The following LRRTM4 variants were observed in gnomAD, a reference collection of about 807,000 sequenced individuals.
The protein encoded by LRRTM4 is leucine rich repeat transmembrane neuronal 4.
LRRTM4 carries 25 observed loss-of-function variants against 47.6 expected under a neutral mutation model. The observed-to-expected ratio is 0.53, with a 90% confidence interval of 0.38 to 0.73. LRRTM4 has a LOEUF of 0.73. Among genes scored for constraint, LRRTM4 ranks in the 30% least tolerant of loss-of-function variants. The pLI is 0.00. For synonymous variants in LRRTM4, 311 were observed against 269.5 expected (o/e 1.15, Z -1.51); for missense variants, 638 against 713.4 (o/e 0.89, Z 1.20).
chr2:77,471,645 C>A (rs1179616516), intron 3 of LRRTM4, among the ~76,000 whole-genome samples: 1 of 152,038 alleles, frequency 6.6e-6, no homozygotes, highest in East Asian at 1.9e-4. Context: ...AATCATTTGC[C>A]CTTGATGTTC....
chr2:77,305,120 T>C (rs1010216539), intron 3 of LRRTM4, among the ~76,000 whole-genome samples: 4 of 152,010 alleles, frequency 2.6e-5, no homozygotes, highest in Non-Finnish European at 5.9e-5. Context: ...GTTGAAAAAC[T>C]ACACATAAAA....
At chr2:77,518,129 T>TAA (rs36044249) in intron 3 of LRRTM4, 189 bp downstream of exon 3, 990 of 1,188,546 alleles carry the variant, frequency 8.3e-4, no homozygotes, top group Admixed American at 2.9e-3. Context: ...TTCAACCATT[T>TAA]AAAAAAAAAA....
chr2:77,301,166 A>G (rs563746798), intron 3 of LRRTM4, among the ~76,000 whole-genome samples: 2 of 152,190 alleles, frequency 1.3e-5, no homozygotes, highest in East Asian at 3.9e-4. Flanking sequence ...TGCTTCATGG[A>G]ATTTTTCAGG....
intron 3 of LRRTM4, among the ~76,000 whole-genome samples, chr2:77,211,232 A>C (rs1208773498): frequency 1.3e-5 from 2 of 152,182 alleles, no homozygotes; most frequent in Non-Finnish European, 2.9e-5. Context: ...ATTACCAGAA[A>C]CTAGTGCTAA....
chr2:76,868,308 T>C (rs1558702604), intron 3 of LRRTM4, among the ~76,000 whole-genome samples: 1 of 152,218 alleles, frequency 6.6e-6, no homozygotes, highest in Non-Finnish European at 1.5e-5. Context: ...ACCCAGTTTC[T>C]ATCCTATGAG....
intron 3 of LRRTM4, among the ~76,000 whole-genome samples, chr2:77,088,240 C>G (rs551123857): frequency 2.0e-5 from 3 of 152,302 alleles, no homozygotes; most frequent in African/African-American, 7.2e-5. Context: ...TCACACAGAA[C>G]AGCCTGAAGC....
intron 3 of LRRTM4, among the ~76,000 whole-genome samples, chr2:77,206,065 T>A (rs942607278): frequency 2.6e-5 from 4 of 152,050 alleles, no homozygotes; most frequent in African/African-American, 9.7e-5. Flanking sequence ...TGTTCTTGAG[T>A]TCCTGGGCTC....
intron 3 of LRRTM4, among the ~76,000 whole-genome samples, chr2:77,353,104 A>G (rs538678872): frequency 6.6e-4 from 100 of 152,264 alleles, no homozygotes; most frequent in Non-Finnish European, 4.9e-4. Flanking sequence ...TTTTACTTAC[A>G]TTATGAAATT....
chr2:77,075,971 A>G (rs970342013), intron 3 of LRRTM4, among the ~76,000 whole-genome samples: 1 of 148,098 alleles, frequency 6.8e-6, no homozygotes, highest in African/African-American at 2.5e-5. Context: ...CTGGTTTCTG[A>G]TAAGGTCATT....
At chr2:77,089,121 C>T (rs1335555522) in intron 3 of LRRTM4, among the ~76,000 whole-genome samples, 1 of 152,056 alleles carries the variant, frequency 6.6e-6, no homozygotes, top group Non-Finnish European at 1.5e-5. Context: ...GGTCCTTCAC[C>T]CTTAGGGGCA....
At chr2:77,361,478 A>G (rs545493146) in intron 3 of LRRTM4, among the ~76,000 whole-genome samples, 1 of 152,194 alleles carries the variant, frequency 6.6e-6, no homozygotes, top group African/African-American at 2.4e-5. Context: ...TTAATCTCTT[A>G]GACAAATTAT....
intron 3 of LRRTM4, among the ~76,000 whole-genome samples, chr2:77,322,520 A>C (rs1677825734): frequency 6.6e-6 from 1 of 151,982 alleles, no homozygotes; most frequent in Non-Finnish European, 1.5e-5. Flanking sequence ...AAGTGTTAGA[A>C]CATTTCTATA....
At chr2:77,067,095 A>G (rs1679981539) in intron 3 of LRRTM4, among the ~76,000 whole-genome samples, 1 of 152,232 alleles carries the variant, frequency 6.6e-6, no homozygotes, top group Non-Finnish European at 1.5e-5. Flanking sequence ...AGATAAGTCT[A>G]CTTCTGATTG....
rs1177738875 is a variant in LRRTM4 at position 77,034,686 on chromosome 2, C to T, written c.1552-285770G>A. ...AGGCTTGTTTAGATTGAGGTTTGAT[C>T]ACTTTGGTCGGGCTGTAGATGTTTT... is the stretch of plus-strand genomic sequence containing the variant. On this transcript the variant is annotated intron_variant, in intron 3 of 3. Transcript: ENST00000409884. Among the ~76,000 whole-genome samples, 7 of 151,846 alleles carry T rather than the reference C, an allele frequency of 4.6e-5. No individual in the cohort carries two copies. The Admixed American group carries it at 4.6e-4, about 10-fold the overall frequency.
intron 3 of LRRTM4, among the ~76,000 whole-genome samples, chr2:77,482,445 C>CAA (rs1677743605): frequency 5.7e-5 from 2 of 35,374 alleles, no homozygotes; most frequent in African/African-American, 2.3e-4. Context: ...TTTTTAAACA[C>CAA]ACACACACAC....
chr2:76,974,187 C>CATATATACAT (rs1676325197), intron 3 of LRRTM4, among the ~76,000 whole-genome samples: 4 of 107,716 alleles, frequency 3.7e-5, no homozygotes, highest in East Asian at 7.0e-4. Flanking sequence ...TATATACATA[C>CATATATACAT]ATATATATAC....
At position 77,382,756 on chromosome 2, in the gene LRRTM4, T is replaced by C. The variant is rs72622652; in HGVS notation, c.1551+135562A>G. 0.016 allele frequency among the ~76,000 whole-genome samples: 2,472 copies of C among 152,190 alleles called. 155 individuals are homozygous for C. In the East Asian group the frequency reaches 0.19, roughly 12 times the overall value. On this transcript the variant is annotated intron_variant, in intron 3 of 3. Transcript: ENST00000409884. ...ATTTTAGATTAGAATAAATTGATCT[T>C]GTTAAAAACTGAAGGAAATATTTTT... is the stretch of plus-strand genomic sequence containing the variant.
At chr2:77,485,382 A>T (rs141840923) in intron 3 of LRRTM4, among the ~76,000 whole-genome samples, 60 of 152,256 alleles carry the variant, frequency 3.9e-4, no homozygotes, top group Non-Finnish European at 7.5e-4. Flanking sequence ...CCAGGTAGAC[A>T]AAATAGGACA....
At chr2:77,363,450 G>A (rs1019590594) in intron 3 of LRRTM4, among the ~76,000 whole-genome samples, 1 of 152,166 alleles carries the variant, frequency 6.6e-6, no homozygotes, top group African/African-American at 2.4e-5. Context: ...TGACAACAAT[G>A]AGATGGAAAC....
Sources: allele counts gnomAD v4.1 joint callset (sites outside exome capture counted in the v4.1 genomes callset), GRCh38; gene constraint gnomAD v4.1.1; transcripts MANE v1.5; gene names NCBI Gene and HGNC (gene_info 2026-07-23, HGNC 2026-07-21).